Variants in CFAP61 observed in about 807,000 individuals in gnomAD.
CFAP61 encodes the protein cilia and flagella associated protein 61, also known as cilia- and flagella-associated protein 61.
Under a neutral mutation model 135.6 loss-of-function variants are expected in CFAP61, and 107 were observed. The ratio of observed to expected loss-of-function variants is 0.79; its 90% CI spans 0.67 to 0.93. The LOEUF (loss-of-function observed/expected upper bound fraction) is 0.93. CFAP61 is among the 40% of genes least tolerant of loss of function. The pLI is 0.00. For synonymous variants in CFAP61, 575 were observed against 578.5 expected, an observed-to-expected ratio of 0.99 and a Z score of 0.09; for missense variants, 1,507 against 1,556.2, an observed-to-expected ratio of 0.97 and a Z score of 0.53.
chr20:20,242,779 C>T (rs572792628), intron 18 of CFAP61, among the ~76,000 whole-genome samples: 4 of 152,222 alleles, frequency 2.6e-5, no homozygotes, highest in Admixed American at 6.5e-5. Flanking sequence ...AGAATTTCCT[C>T]GCAGATGACA....
At chr20:20,096,235 G>T (rs764786363) in intron 7 of CFAP61, among the ~76,000 whole-genome samples, 2 of 152,018 alleles carry the variant, frequency 1.3e-5, no homozygotes, top group Non-Finnish European at 2.9e-5. Flanking sequence ...TTCTCAAATC[G>T]GTTATTTGAA....
Position 20,251,742 on chromosome 20 carries a change from CT to C in CFAP61, c.2308del (p.Cys770AlafsTer20). ...TCGTGCCCTACGACCACCTCATCCTCTGCACCGGGCAGCAGTACCAGGTAAG... is the reference window on the plus strand; with the variant it reads ...TCGTGCCCTACGACCACCTCATCCTCGCACCGGGCAGCAGTACCAGGTAAG... ...EIVPYDHLIL[C>X]TGQQYQVPCP... On this transcript the variant is annotated frameshift_variant, in exon 20 of 27. Coordinates refer to ENST00000245957, the MANE Select transcript of CFAP61 (RefSeq NM_015585.4). LOFTEE classifies it high-confidence loss of function. The C allele has an allele frequency of 6.2e-7, 1 of 1,613,830 alleles. No individual in the cohort carries two copies. Among genetic ancestry groups the C allele is most frequent in the Non-Finnish European group, 8.5e-7 (1 of 1,180,038 alleles).
At chr20:20,194,256 C>T (rs1244186095) in intron 15 of CFAP61, among the ~76,000 whole-genome samples, 1 of 152,138 alleles carries the variant, frequency 6.6e-6, no homozygotes, top group Admixed American at 6.5e-5. Flanking sequence ...TTTTACTCAT[C>T]ATTTTAGATT....
rs145198573 is a variant in CFAP61 at position 20,052,550 on chromosome 20, G to A, written c.-78G>A. ...GGTGACCAGGCTGCGCGTCCTCCTT[G>A]CGGCAGCGCGTGGAGTGCGGCGTCC... On this transcript the variant is annotated 5_prime_UTR_variant, in exon 1 of 27. Transcript: ENST00000245957. 6.2e-7 allele frequency: 1 copy of A among 1,614,038 alleles called. No homozygotes were observed. Among genetic ancestry groups the A allele is most frequent in the Non-Finnish European group, 8.5e-7 (1 of 1,180,024 alleles).
At chr20:20,081,783 C>T (rs1289372543) in intron 6 of CFAP61, among the ~76,000 whole-genome samples, 1 of 150,502 alleles carries the variant, frequency 6.6e-6, no homozygotes, top group Admixed American at 6.6e-5. Flanking sequence ...CACATACAGC[C>T]CCTGATGTGC....
intron 1 of CFAP61, among the ~76,000 whole-genome samples, chr20:20,055,599 T>G (rs968822644): frequency 7.2e-5 from 11 of 152,232 alleles, no homozygotes; most frequent in African/African-American, 2.7e-4. Context: ...CTTTTCTTGT[T>G]TTCTTTTTAC....
intron 21 of CFAP61, among the ~76,000 whole-genome samples, chr20:20,272,722 G>C (rs1219204904): frequency 6.6e-6 from 1 of 152,084 alleles, no homozygotes; most frequent in East Asian, 1.9e-4. Flanking sequence ...CTTCCTTCCA[G>C]CTCTTACCCA....
chr20:20,068,361 G>C (rs2045458816), intron 2 of CFAP61, among the ~76,000 whole-genome samples: 1 of 152,250 alleles, frequency 6.6e-6, no homozygotes, highest in Non-Finnish European at 1.5e-5. Context: ...CCAAGAGCTG[G>C]AGGGAGATGA....
intron 13 of CFAP61, among the ~76,000 whole-genome samples, chr20:20,178,094 C>T (rs1475461281): frequency 5.3e-5 from 8 of 152,008 alleles, no homozygotes; most frequent in Non-Finnish European, 1.5e-5. Context: ...TGTCATCTGC[C>T]CTCTGGCTGT....
At chr20:20,086,454 G>A (rs554094796) in intron 6 of CFAP61, among the ~76,000 whole-genome samples, 1 of 151,438 alleles carries the variant, frequency 6.6e-6, no homozygotes, top group South Asian at 2.1e-4. Context: ...TGCTGAGAAT[G>A]ATGGTTTCCA....
chr20:20,065,719 C>T (rs1364803353), intron 2 of CFAP61, among the ~76,000 whole-genome samples: 1 of 151,778 alleles, frequency 6.6e-6, no homozygotes, highest in African/African-American at 2.4e-5. Flanking sequence ...AAACTGATCT[C>T]ACCTAAAAAT....
At chr20:20,233,949 C>G (rs1376288781) in intron 18 of CFAP61, among the ~76,000 whole-genome samples, 1 of 152,150 alleles carries the variant, frequency 6.6e-6, no homozygotes, top group African/African-American at 2.4e-5. Context: ...GTAGGAAATG[C>G]ATTTTTCATG....
chr20:20,055,231 A>G (rs1282670035), intron 1 of CFAP61, among the ~76,000 whole-genome samples: 1 of 152,118 alleles, frequency 6.6e-6, no homozygotes, highest in Non-Finnish European at 1.5e-5. Flanking sequence ...CTTAGTTTGT[A>G]GTCTGTTTCA....
At position 20,052,758 on chromosome 20, in the gene CFAP61, GCT is replaced by G. The variant is rs775954893; in HGVS notation, c.-37+169_-37+170del. On this transcript the variant is annotated intron_variant, in intron 1 of 26. Coordinates refer to ENST00000245957, the MANE Select transcript of CFAP61 (RefSeq NM_015585.4). ...GTAAGAACGGAGCTCCAATCTGGAT[GCT>G]CGAGGGCGGGGGAAGAAGGGAGAGC... 4 of 1,554,920 alleles carry G rather than the reference GCT, an allele frequency of 2.6e-6. No homozygotes were observed. The Admixed American group carries it at 7.7e-5, about 30-fold the overall frequency.
At chr20:20,272,809 T>C (rs2053460549) in intron 21 of CFAP61, among the ~76,000 whole-genome samples, 1 of 152,172 alleles carries the variant, frequency 6.6e-6, no homozygotes, top group African/African-American at 2.4e-5. Flanking sequence ...TCTCTCTCCA[T>C]TTCCTTCCTT....
At chr20:20,163,689 G>A (rs556847024) in intron 10 of CFAP61, among the ~76,000 whole-genome samples, 1 of 151,926 alleles carries the variant, frequency 6.6e-6, no homozygotes, top group East Asian at 1.9e-4. Context: ...GTGCCATGGT[G>A]GTTTGCGGCA....
chr20:20,142,361 C>G (rs1045206692), intron 8 of CFAP61, among the ~76,000 whole-genome samples: 9 of 152,222 alleles, frequency 5.9e-5, no homozygotes, highest in Non-Finnish European at 1.3e-4. Flanking sequence ...GAGAAAGCAG[C>G]CCTTGTGCTA....
rs1479129514 is a variant in CFAP61 at position 20,274,821 on chromosome 20, A to G, written c.2504-2345A>G. On this transcript the variant is annotated intron_variant, in intron 21 of 26. Transcript: ENST00000245957. ...TTTTATTTATTTAATATAACATTATATTATCACGGCATTCTACTATATTTT... is the reference window on the plus strand; with the variant it reads ...TTTTATTTATTTAATATAACATTATGTTATCACGGCATTCTACTATATTTT... Among the ~76,000 whole-genome samples the G allele has an allele frequency of 2.6e-5, 4 of 152,194 alleles. No individual in the cohort carries two copies. The East Asian group carries it at 7.7e-4, about 29-fold the overall frequency.
At chr20:20,122,165 T>A (rs6112772) in intron 8 of CFAP61, among the ~76,000 whole-genome samples, 19,062 of 151,270 alleles carry the variant, frequency 0.13, 1,361 homozygotes, top group Non-Finnish European at 0.15. Flanking sequence ...TTGTTGTTGT[T>A]GTTGTTGAGA....
Sources: gnomAD v4.1 joint callset for allele counts (sites outside exome capture counted in the v4.1 genomes callset) on GRCh38, gnomAD v4.1.1 for gene constraint, MANE v1.5 for transcripts, NCBI Gene and HGNC (gene_info 2026-07-23, HGNC 2026-07-21) for gene names.